The following PRKRIP1 variants were observed in gnomAD, a reference collection of about 807,000 sequenced individuals.
PRKRIP1 encodes PRKR-interacting protein 1.
In PRKRIP1, 29 loss-of-function variants were observed where a neutral mutation model predicts 29.3. The ratio of observed to expected loss-of-function variants is 0.99; its 90% CI spans 0.74 to 1.35. The LOEUF (loss-of-function observed/expected upper bound fraction) is 1.35. Ranked by LOEUF, PRKRIP1 falls within the 40% of genes most tolerant of loss-of-function variation. PRKRIP1 has a pLI of 0.00. For synonymous variants in PRKRIP1, 90 were observed against 85.1 expected, an observed-to-expected ratio of 1.06 and a Z score of -0.32; for missense variants, 247 against 236.8, an observed-to-expected ratio of 1.04 and a Z score of -0.28.
intron 3 of PRKRIP1, among the ~76,000 whole-genome samples, chr7:102,403,435 G>T (rs1796125629): frequency 2.0e-5 from 3 of 152,180 alleles, no homozygotes; most frequent in Admixed American, 2.0e-4. Flanking sequence ...TGACCTTTAT[G>T]GCTGTGACTG....
intron 5 of PRKRIP1, among the ~76,000 whole-genome samples, chr7:102,414,768 C>G (rs950929202): frequency 6.6e-6 from 1 of 152,008 alleles, no homozygotes; most frequent in African/African-American, 2.4e-5. Flanking sequence ...GCCTGTAGTC[C>G]CAGCTACAAG....
rs1318620380 is a variant in PRKRIP1, at chr7:102,426,623, C to T, written c.*1512C>T. 1 of 152,758 alleles carries T rather than the reference C, an allele frequency of 6.5e-6. No individual in the cohort carries two copies. The highest frequency in any genetic ancestry group is 1.5e-5 in the Non-Finnish European group (1 of 68,126). The allele number at this position is 152,758 out of a possible 1,614,324, so 9.5% of individuals were successfully genotyped here. A position where few individuals can be genotyped will look rare whatever the true frequency, so the allele number is the denominator to read the frequency against. On this transcript the variant is annotated 3_prime_UTR_variant, in exon 6 of 6. Coordinates refer to ENST00000397912, the MANE Select transcript of PRKRIP1 (RefSeq NM_024653.4). ...GGGATTTTCTTTCCCAGGAAGCGGA[C>T]ACGGAGAGTCAGCCCTAATAAATGA...
intron 1 of PRKRIP1, 42 bp downstream of exon 1, chr7:102,396,579 C>G (rs782622677): frequency 1.0e-5 from 16 of 1,582,374 alleles, no homozygotes; most frequent in Non-Finnish European, 1.4e-5. Flanking sequence ...CGAGGCCCAC[C>G]CCCTTCCTCT....
Position 102,425,244 on chromosome 7 carries a change from A to C in PRKRIP1, c.*133A>C. ...TGGAGAGCAAAGGAGACCCCTCCCG[A>C]GCCGCTCACAGTCCTGTATTTGGCA... is the stretch of plus-strand genomic sequence containing the variant. On this transcript the variant is annotated 3_prime_UTR_variant, in exon 6 of 6. Transcript: ENST00000397912. The C allele has an allele frequency of 6.6e-7, 1 of 1,510,690 alleles. No homozygotes were observed. Among genetic ancestry groups the C allele is most frequent in the Non-Finnish European group, 8.8e-7 (1 of 1,133,440 alleles). The allele number at this position is 1,510,690 out of a possible 1,614,324, so 93.6% of individuals were successfully genotyped here.
chr7:102,410,999 C>T (rs782097980), intron 5 of PRKRIP1, among the ~76,000 whole-genome samples: 5 of 152,182 alleles, frequency 3.3e-5, no homozygotes, highest in Admixed American at 1.3e-4. Flanking sequence ...AATCACGGCT[C>T]GCGGCGGCCT....
intron 5 of PRKRIP1, among the ~76,000 whole-genome samples, chr7:102,418,269 C>T (rs1163703466): frequency 1.3e-5 from 2 of 152,020 alleles, no homozygotes; most frequent in African/African-American, 4.8e-5. Context: ...AGGCTGGTCT[C>T]GAACTCCTAG....
intron 5 of PRKRIP1, among the ~76,000 whole-genome samples, chr7:102,414,083 C>T (rs539599326): frequency 2.0e-4 from 30 of 151,990 alleles, no homozygotes; most frequent in Non-Finnish European, 3.1e-4. Flanking sequence ...AAAAATAAGC[C>T]GGGCATAATA....
At chr7:102,422,176 T>TATC (rs1796712093) in intron 5 of PRKRIP1, among the ~76,000 whole-genome samples, 1 of 123,716 alleles carries the variant, frequency 8.1e-6, no homozygotes. Flanking sequence ...TTATTATTAT[T>TATC]ATGATTATTA....
At chr7:102,401,245 TAAAG>T (rs1357544762) in intron 3 of PRKRIP1, among the ~76,000 whole-genome samples, 2 of 152,310 alleles carry the variant, frequency 1.3e-5, no homozygotes, top group East Asian at 1.9e-4. Context: ...AGGTGTGTGA[TAAAG>T]AAAATCCAGC....
intron 3 of PRKRIP1, among the ~76,000 whole-genome samples, chr7:102,402,886 T>A (rs1408747894): frequency 2.1e-5 from 3 of 139,888 alleles, no homozygotes; most frequent in Non-Finnish European, 3.0e-5. Context: ...ACGGCTCAGC[T>A]TTTTTTTTTT....
intron 5 of PRKRIP1, among the ~76,000 whole-genome samples, chr7:102,419,726 T>G (rs1554573518): frequency 6.6e-6 from 1 of 152,180 alleles, no homozygotes. Context: ...CCAAGTAGTT[T>G]TCCACCGTCA....
chr7:102,396,570 G>A, intron 1 of PRKRIP1, 33 bp downstream of exon 1: 1 of 1,594,882 alleles, frequency 6.3e-7, no homozygotes, highest in South Asian at 1.1e-5. Context: ...CGGCCCGTCC[G>A]AGGCCCACCC....
chr7:102,404,510 T>G (rs1796159915), intron 3 of PRKRIP1, 88 bp from the exon 4 acceptor site: 7 of 1,074,158 alleles, frequency 6.5e-6, no homozygotes, highest in African/African-American at 1.6e-5. Context: ...GTGGTGTGAC[T>G]TCTAGAACTC....
chr7:102,408,482 C>T (rs1205485907), intron 5 of PRKRIP1, among the ~76,000 whole-genome samples: 4 of 152,192 alleles, frequency 2.6e-5, no homozygotes, highest in African/African-American at 9.6e-5. Flanking sequence ...ATCCTGCCGC[C>T]TCTGAACTCA....
At chr7:102,402,150 A>G (rs1796090531) in intron 3 of PRKRIP1, among the ~76,000 whole-genome samples, 1 of 152,308 alleles carries the variant, frequency 6.6e-6, no homozygotes, top group Middle Eastern at 3.4e-3. Context: ...CTCTGTGTAT[A>G]GAAACCATCA....
chr7:102,407,341 G>A (rs977304836), intron 4 of PRKRIP1, 93 bp from the exon 5 acceptor site: 21 of 704,160 alleles, frequency 3.0e-5, no homozygotes, highest in Admixed American at 1.6e-4. Flanking sequence ...GTGTTATTCC[G>A]CAGGTTTTAG....
rs1796819895 is a variant in PRKRIP1, at chr7:102,425,957, GCTC to G, written c.*852_*854del. ...GGCGGGACTGGGTCAAGTGGGTGGAGCTCCTCCTTGCATGACTGCAACTGTCGG... is the reference window on the plus strand; with the variant it reads ...GGCGGGACTGGGTCAAGTGGGTGGAGCTCCTTGCATGACTGCAACTGTCGG... On this transcript the variant is annotated 3_prime_UTR_variant, in exon 6 of 6. Transcript: ENST00000397912. The G allele has an allele frequency of 6.5e-6, 1 of 153,190 alleles. No individual in the cohort carries two copies. 9.5% of individuals were successfully genotyped at this position (153,190 alleles called of 1,614,324 possible). A position where few individuals can be genotyped will look rare whatever the true frequency, so the allele number is the denominator to read the frequency against.
chr7:102,423,568 T>C (rs1330235970), intron 5 of PRKRIP1, among the ~76,000 whole-genome samples: 2 of 152,134 alleles, frequency 1.3e-5, no homozygotes, highest in African/African-American at 4.8e-5. Context: ...AAAATGGATA[T>C]ATAAGAGTGG....
chr7:102,399,130 GAAAA>G (rs1207422747), intron 2 of PRKRIP1, among the ~76,000 whole-genome samples: 2 of 152,040 alleles, frequency 1.3e-5, no homozygotes, highest in African/African-American at 4.8e-5. Flanking sequence ...TCAAAAAAAA[GAAAA>G]AAGCTGAAGA....
Sources: allele counts gnomAD v4.1 joint callset (sites outside exome capture counted in the v4.1 genomes callset), GRCh38; gene constraint gnomAD v4.1.1; transcripts MANE v1.5; gene names NCBI Gene and HGNC (gene_info 2026-07-23, HGNC 2026-07-21).